H1-5: variants seen among roughly 807,000 people sequenced by gnomAD.
H1-5 encodes histone H1.5.
In H1-5, 3 loss-of-function variants were observed where a neutral mutation model predicts 4.6. That is an observed-to-expected ratio of 0.65 (90% CI 0.30 to 1.68). The LOEUF (loss-of-function observed/expected upper bound fraction) is 1.68. Ranked by LOEUF, H1-5 falls within the 40% of genes most tolerant of loss-of-function variation. The pLI is 0.10. For missense variants in H1-5, 521 were observed against 287.9 expected (o/e 1.81, Z -5.86); for synonymous variants, 250 against 123.4 (o/e 2.03, Z -6.80).
rs758029486 is a variant in H1-5, at chr6:27,867,124, C to T, written c.406G>A (p.Gly136Arg). 2.5e-6 allele frequency: 4 copies of T among 1,614,154 alleles called. No homozygotes were observed. The South Asian group carries it at 3.3e-5, about 13-fold the overall frequency. ...AGAAKAKKPA[G>R]ATPKKAKKAA... ...TTCTTGGCCTTCTTAGGCGTGGCCC[C>T]CGCGGGCTTCTTAGCTTTAGCGGCG... Residue 136 changes from glycine (G) to arginine (R), a missense_variant, in exon 1 of 1, where the codon GGG becomes AGG. Physicochemically the swap from Gly to Arg is moderately radical, Grantham distance 125. Transcript: ENST00000331442.
chr6:27,867,209 G>T lies in H1-5; in HGVS notation c.321C>A (p.Ser107=), dbSNP rs1761533056. 1 of 1,614,124 alleles carries T rather than the reference G, an allele frequency of 6.2e-7. No homozygotes were observed. The highest frequency in any genetic ancestry group is 1.3e-5 in the African/African-American group (1 of 74,944). ...VQTKGTGASG[S]FKLNKKAASG... ...AGGCCGCCTTCTTGTTGAGTTTAAA[G>T]GAGCCAGAAGCACCAGTGCCCTTGG... is the stretch of plus-strand genomic sequence containing the variant. Residue 107 remains serine (S), a synonymous_variant, in exon 1 of 1, where the codon TCC becomes TCA. Transcript: ENST00000331442.
rs1161135111 is a variant in H1-5 at position 27,866,947 on chromosome 6, C to G, written c.583G>C (p.Ala195Pro). 1 of 1,614,080 alleles carries G rather than the reference C, an allele frequency of 6.2e-7. No individual in the cohort carries two copies. Among genetic ancestry groups the G allele is most frequent in the African/African-American group, 1.3e-5 (1 of 74,926 alleles). The change falls in exon 1 of 1, where the codon GCA becomes CCA. Residue 195 changes from alanine (A) to proline (P), a missense_variant. Transcript: ENST00000331442. ...GGCTTTGCCGCCTTCGGCTTAACTG[C>G]CTTGGGCTTGGCAGGACTCTTGGTT... The part of the protein sequence containing the change: ...KATKSPAKPK[A>P]VKPKAAKPKA...
chr6:27,867,125 C>G lies in H1-5; in HGVS notation c.405G>C (p.Ala135=). 2 of 1,614,128 alleles carry G rather than the reference C, an allele frequency of 1.2e-6. No homozygotes were observed. The highest frequency in any genetic ancestry group is 1.3e-5 in the African/African-American group (1 of 75,046). Reference sequence around the variant, plus strand: ...TCTTGGCCTTCTTAGGCGTGGCCCCCGCGGGCTTCTTAGCTTTAGCGGCGC... The same window carrying G: ...TCTTGGCCTTCTTAGGCGTGGCCCCGGCGGGCTTCTTAGCTTTAGCGGCGC... The part of the protein sequence containing the change: ...KAGAAKAKKP[A]GATPKKAKKA... The change falls in exon 1 of 1, where the codon GCG becomes GCC. Residue 135 remains alanine, a synonymous_variant. Transcript: ENST00000331442.
rs148942681 is a variant in H1-5, at chr6:27,867,248, G to A, written c.282C>T (p.Gly94=). 4.0e-4 allele frequency: 641 copies of A among 1,614,122 alleles called. 4 individuals are homozygous for A. Among genetic ancestry groups the A allele is most frequent in the Middle Eastern group, 1.6e-4 (1 of 6,084 alleles). ...KLGLKSLVSK[G]TLVQTKGTGA... The stretch of plus-strand genomic sequence containing the variant: ...CAGTGCCCTTGGTCTGCACCAGGGT[G>A]CCCTTGCTCACCAAGCTCTTGAGGC... The change falls in exon 1 of 1, where the codon GGC becomes GGT. Residue 94 remains glycine, a synonymous_variant. Coordinates refer to ENST00000331442, the MANE Select transcript of H1-5 (RefSeq NM_005322.3).
chr6:27,867,489 G>A lies in H1-5; in HGVS notation c.41C>T (p.Pro14Leu). The change falls in exon 1 of 1, where the codon CCG becomes CTG. Residue 14 changes from proline (P) to leucine (L), a missense_variant. Transcript: ENST00000331442. ...CTTCTTAGCCGGGGATTTCTCCACC[G>A]GCGCTGGGGTGGCTGTCTCGGCAGG... ...TAPAETATPA[P>L]VEKSPAKKKA... is the part of the protein sequence containing the mutation. The A allele has an allele frequency of 1.9e-6, 3 of 1,576,582 alleles. No homozygotes were observed. Among genetic ancestry groups the A allele is most frequent in the African/African-American group, 1.4e-5 (1 of 73,054 alleles).
Position 27,867,425 on chromosome 6 carries a change from C to T in H1-5, c.105G>A (p.Lys35=), listed in dbSNP as rs1210759881. The T allele has an allele frequency of 5.6e-6, 9 of 1,611,158 alleles. No homozygotes were observed. The highest frequency in any genetic ancestry group is 6.8e-6 in the Non-Finnish European group (8 of 1,178,798). Residue 35 remains lysine (K), a synonymous_variant, in exon 1 of 1, where the codon AAG becomes AAA. Coordinates refer to ENST00000331442, the MANE Select transcript of H1-5 (RefSeq NM_005322.3). ...TKKAAGAGAA[K]RKATGPPVSE... is the part of the protein sequence containing the mutation. Reference sequence around the variant, plus strand: ...AGACTGGGGGCCCCGTCGCTTTGCGCTTAGCAGCGCCGGCGCCGGCAGCCT... The same window carrying T: ...AGACTGGGGGCCCCGTCGCTTTGCGTTTAGCAGCGCCGGCGCCGGCAGCCT...
chr6:27,867,421 T>G lies in H1-5; in HGVS notation c.109A>C (p.Lys37Gln). ...TCTGAGACTGGGGGCCCCGTCGCTT[T>G]GCGCTTAGCAGCGCCGGCGCCGGCA... Reference protein sequence around the residue: ...KAAGAGAAKRKATGPPVSELI... With the variant: ...KAAGAGAAKRQATGPPVSELI... The change falls in exon 1 of 1, where the codon AAA (lysine) becomes CAA (glutamine). Residue 37 changes from lysine to glutamine, a missense_variant. Physicochemically the swap from Lys to Gln is moderately conservative, Grantham distance 53. Coordinates refer to ENST00000331442, the MANE Select transcript of H1-5 (RefSeq NM_005322.3). The G allele has an allele frequency of 6.2e-7, 1 of 1,612,360 alleles. No homozygotes were observed. Among genetic ancestry groups the G allele is most frequent in the Non-Finnish European group, 8.5e-7 (1 of 1,179,254 alleles).
rs775898359 is a variant in H1-5, at chr6:27,867,108, T to C, written c.422A>G (p.Lys141Arg). 1.9e-6 allele frequency: 3 copies of C among 1,611,214 alleles called. No homozygotes were observed. The South Asian group carries it at 3.3e-5, about 18-fold the overall frequency. The change falls in exon 1 of 1, where the codon AAG becomes AGG. Residue 141 changes from lysine to arginine, a missense_variant. Lys to Arg is a conservative substitution (Grantham distance 26). Transcript: ENST00000331442. ...TTTCGCCCCTGCAGCCTTCTTGGCC[T>C]TCTTAGGCGTGGCCCCCGCGGGCTT... is the stretch of plus-strand genomic sequence containing the variant. ...AKKPAGATPK[K>R]AKKAAGAKKA...
chr6:27,867,253 T>A lies in H1-5; in HGVS notation c.277A>T (p.Lys93Ter). The A allele has an allele frequency of 6.2e-7, 1 of 1,614,246 alleles. No homozygotes were observed. Among genetic ancestry groups the A allele is most frequent in the Admixed American group, 1.7e-5 (1 of 60,034 alleles). The change falls in exon 1 of 1, where the codon AAG becomes TAG. Residue 93 changes from lysine (K) to a stop codon, truncating the protein, a stop_gained. Coordinates refer to ENST00000331442, the MANE Select transcript of H1-5 (RefSeq NM_005322.3). LOFTEE classifies it high-confidence loss of function. ...IKLGLKSLVS[K>*]GTLVQTKGTG... ...CCCTTGGTCTGCACCAGGGTGCCCT[T>A]GCTCACCAAGCTCTTGAGGCCCAGC...
At position 27,867,014 on chromosome 6, in the gene H1-5, C is replaced by T. The variant is rs1277905856; in HGVS notation, c.516G>A (p.Lys172=). The T allele has an allele frequency of 5.6e-6, 9 of 1,614,028 alleles. No individual in the cohort carries two copies. Among genetic ancestry groups the T allele is most frequent in the African/African-American group, 1.3e-5 (1 of 74,922 alleles). The change falls in exon 1 of 1, where the codon AAG becomes AAA. Residue 172 remains lysine, a synonymous_variant. Coordinates refer to ENST00000331442, the MANE Select transcript of H1-5 (RefSeq NM_005322.3). ...PAAAGVKKVA[K]SPKKAKAAAK... Reference sequence around the variant, plus strand: ...CAGCGGCCTTGGCCTTCTTAGGGCTCTTCGCCACCTTTTTGACGCCAGCCG... The same window carrying T: ...CAGCGGCCTTGGCCTTCTTAGGGCTTTTCGCCACCTTTTTGACGCCAGCCG...
At position 27,866,855 on chromosome 6, in the gene H1-5, C is replaced by A. The variant is rs769817801; in HGVS notation, c.675G>T (p.Lys225Asn). ...GTTTTCACACGCCAGCTTCCTACTT[C>A]TTTTTGGCAGCCGCCTTCTTGGCCT... Reference protein sequence around the residue: ...AAKAKKAAAKKK With the variant: ...AAKAKKAAAKNK The change falls in exon 1 of 1, where the codon AAG becomes AAT. Residue 225 changes from lysine (K) to asparagine (N), a missense_variant. By Grantham distance (94) the Lys-to-Asn change is moderately conservative (BLOSUM62 0). Transcript: ENST00000331442. 1 of 1,591,270 alleles carries A rather than the reference C, an allele frequency of 6.3e-7. No individual in the cohort carries two copies. The highest frequency in any genetic ancestry group is 8.5e-7 in the Non-Finnish European group (1 of 1,173,384).
At position 27,867,131 on chromosome 6, in the gene H1-5, C is replaced by G; in HGVS notation, c.399G>C (p.Lys133Asn). The G allele has an allele frequency of 6.2e-7, 1 of 1,614,136 alleles. No homozygotes were observed. Among genetic ancestry groups the G allele is most frequent in the Non-Finnish European group, 8.5e-7 (1 of 1,180,014 alleles). Residue 133 changes from lysine to asparagine, a missense_variant, in exon 1 of 1, where the codon AAG becomes AAC. Coordinates refer to ENST00000331442, the MANE Select transcript of H1-5 (RefSeq NM_005322.3). The stretch of plus-strand genomic sequence containing the variant: ...CCTTCTTAGGCGTGGCCCCCGCGGG[C>G]TTCTTAGCTTTAGCGGCGCCTGCCT... ...AKKAGAAKAKKPAGATPKKAK... is the reference protein window; with the variant it reads ...AKKAGAAKAKNPAGATPKKAK...
In H1-5 at chr6:27,867,233, G is replaced by A. The variant is rs771428777; in HGVS notation, c.297C>T (p.Thr99=). 19 of 1,614,120 alleles carry A rather than the reference G, an allele frequency of 1.2e-5. No homozygotes were observed. Among genetic ancestry groups the A allele is most frequent in the African/African-American group, 1.3e-5 (1 of 74,952 alleles). ...AGGAGCCAGAAGCACCAGTGCCCTT[G>A]GTCTGCACCAGGGTGCCCTTGCTCA... ...SLVSKGTLVQ[T]KGTGASGSFK... The change falls in exon 1 of 1, where the codon ACC becomes ACT. Residue 99 remains threonine (T), a synonymous_variant. Coordinates refer to ENST00000331442, the MANE Select transcript of H1-5 (RefSeq NM_005322.3).
Position 27,867,580 on chromosome 6 carries a change from T to A in H1-5, c.-51A>T. On this transcript the variant is annotated 5_prime_UTR_variant, in exon 1 of 1. Coordinates refer to ENST00000331442, the MANE Select transcript of H1-5 (RefSeq NM_005322.3). ...ATAAGCTCGAAATCTAAAGAGCAGG[T>A]TTTGCGTTGCTGCTATGCTCGGGCC... The A allele has an allele frequency of 1.3e-6, 2 of 1,488,858 alleles. No individual in the cohort carries two copies. The highest frequency in any genetic ancestry group is 1.8e-6 in the Non-Finnish European group (2 of 1,112,832). 92.2% of individuals were successfully genotyped at this position (1,488,858 alleles called of 1,614,324 possible).
In H1-5 at chr6:27,867,542, C is replaced by A. The variant is rs777527900; in HGVS notation, c.-13G>T. 2.2e-5 allele frequency: 34 copies of A among 1,530,294 alleles called. No homozygotes were observed. The highest frequency in any genetic ancestry group is 2.7e-5 in the Non-Finnish European group (31 of 1,144,616). 94.8% of individuals were successfully genotyped at this position (1,530,294 alleles called of 1,614,324 possible). A position where few individuals can be genotyped will look rare whatever the true frequency, so the allele number is the denominator to read the frequency against. Reference sequence around the variant, plus strand: ...CGGTTTCCGACATGGTGGCAAGAAACTGCTAGAAGAGAATAAGCTCGAAAT... The same window carrying A: ...CGGTTTCCGACATGGTGGCAAGAAAATGCTAGAAGAGAATAAGCTCGAAAT... On this transcript the variant is annotated 5_prime_UTR_variant, in exon 1 of 1. Transcript: ENST00000331442.
chr6:27,867,187 C>A lies in H1-5; in HGVS notation c.343G>T (p.Ala115Ser). 1 of 1,614,214 alleles carries A rather than the reference C, an allele frequency of 6.2e-7. No individual in the cohort carries two copies. Among genetic ancestry groups the A allele is most frequent in the South Asian group, 1.1e-5 (1 of 91,086 alleles). ...GCTTTGGGCTTGGCTTCCCCGGAGG[C>A]CGCCTTCTTGTTGAGTTTAAAGGAG... is the stretch of plus-strand genomic sequence containing the variant. ...SGSFKLNKKA[A>S]SGEAKPKAKK... Residue 115 changes from alanine (A) to serine (S), a missense_variant, in exon 1 of 1, where the codon GCC becomes TCC. Coordinates refer to ENST00000331442, the MANE Select transcript of H1-5 (RefSeq NM_005322.3).
chr6:27,867,228 C>T lies in H1-5; in HGVS notation c.302G>A (p.Gly101Asp), dbSNP rs1388483978. The T allele has an allele frequency of 1.2e-6, 2 of 1,614,122 alleles. No homozygotes were observed. The highest frequency in any genetic ancestry group is 1.7e-6 in the Non-Finnish European group (2 of 1,180,042). Residue 101 changes from glycine (G) to aspartate (D), a missense_variant, in exon 1 of 1, where the codon GGC becomes GAC. Physicochemically the swap from Gly to Asp is moderately conservative, Grantham distance 94. Transcript: ENST00000331442. Reference sequence around the variant, plus strand: ...TTTAAAGGAGCCAGAAGCACCAGTGCCCTTGGTCTGCACCAGGGTGCCCTT... The same window carrying T: ...TTTAAAGGAGCCAGAAGCACCAGTGTCCTTGGTCTGCACCAGGGTGCCCTT... Reference protein sequence around the residue: ...VSKGTLVQTKGTGASGSFKLN... With the variant: ...VSKGTLVQTKDTGASGSFKLN...
rs141517982 is a variant in H1-5, at chr6:27,867,432, G to A, written c.98C>T (p.Ala33Val). The change falls in exon 1 of 1, where the codon GCT becomes GTT. Residue 33 changes from alanine (A) to valine (V), a missense_variant. Physicochemically the swap from Ala to Val is moderately conservative, Grantham distance 64. Transcript: ENST00000331442. Reference sequence around the variant, plus strand: ...GGGCCCCGTCGCTTTGCGCTTAGCAGCGCCGGCGCCGGCAGCCTTCTTAGT... The same window carrying A: ...GGGCCCCGTCGCTTTGCGCTTAGCAACGCCGGCGCCGGCAGCCTTCTTAGT... ...KATKKAAGAG[A>V]AKRKATGPPV... is the part of the protein sequence containing the mutation. 2 of 1,610,064 alleles carry A rather than the reference G, an allele frequency of 1.2e-6. No homozygotes were observed. The highest frequency in any genetic ancestry group is 1.7e-5 in the Admixed American group (1 of 58,984).
chr6:27,866,904 TTGGGCTTAGCG>T lies in H1-5; in HGVS notation c.615_625del (p.Ala206SerfsTer5). On this transcript the variant is annotated frameshift_variant, in exon 1 of 1. Transcript: ENST00000331442. LOFTEE classifies it high-confidence loss of function. Reference sequence around the variant, plus strand: ...CTTTGCAGCTTTAGGTTTTGCTGCTTTGGGCTTAGCGGCTTTGGGCTTTGCCGCCTTCGGCT... The same window carrying T: ...CTTTGCAGCTTTAGGTTTTGCTGCTTGCTTTGGGCTTTGCCGCCTTCGGCT... 1 of 1,612,244 alleles carries T rather than the reference TTGGGCTTAGCG, an allele frequency of 6.2e-7. No homozygotes were observed. Among genetic ancestry groups the T allele is most frequent in the Non-Finnish European group, 8.5e-7 (1 of 1,179,388 alleles).
Sources: allele counts gnomAD v4.1 joint callset, GRCh38; gene constraint gnomAD v4.1.1; transcripts MANE v1.5; gene names NCBI Gene and HGNC (gene_info 2026-07-23, HGNC 2026-07-21).